Variants in GALNT2 observed in about 807,000 individuals in gnomAD.
The protein encoded by GALNT2 is UDP-GalNAc:polypeptide N-acetylgalactosaminyltransferase 2.
In GALNT2, 31 loss-of-function variants were observed where a neutral mutation model predicts 81.4. The observed-to-expected ratio is 0.38, with a 90% confidence interval of 0.29 to 0.51. The LOEUF (loss-of-function observed/expected upper bound fraction) is 0.51, where lower values mean the gene tolerates loss of function less well. Among genes scored for constraint, GALNT2 ranks in the 20% least tolerant of loss-of-function variants. GALNT2 has a pLI of 0.87. For missense variants in GALNT2, 629 were observed against 765.7 expected (o/e 0.82, Z 2.11); for synonymous variants, 303 against 287.4 (o/e 1.05, Z -0.55).
intron 3 of GALNT2, among the ~76,000 whole-genome samples, chr1:230,221,522 G>A (rs1296459768): frequency 6.6e-6 from 1 of 152,156 alleles, no homozygotes; most frequent in Non-Finnish European, 1.5e-5. Context: ...CAGCCTGCCT[G>A]CCTTCTTTTC....
At chr1:230,105,647 A>G (rs1187148188) in intron 1 of GALNT2, among the ~76,000 whole-genome samples, 1 of 152,152 alleles carries the variant, frequency 6.6e-6, no homozygotes, top group Non-Finnish European at 1.5e-5. Flanking sequence ...TGGGAGTTGC[A>G]TAAATGTCAG....
intron 1 of GALNT2, among the ~76,000 whole-genome samples, chr1:230,103,347 C>A (rs1173137023): frequency 6.6e-6 from 1 of 152,312 alleles, no homozygotes; most frequent in South Asian, 2.1e-4. Context: ...TATCCATGAG[C>A]AACCTTGCTA....
chr1:230,242,080 TC>T (rs1266613827), intron 6 of GALNT2, among the ~76,000 whole-genome samples: 2 of 152,170 alleles, frequency 1.3e-5, no homozygotes, highest in African/African-American at 2.4e-5. Flanking sequence ...GAACTCTCTA[TC>T]CTCTAACAAC....
chr1:230,176,300 A>G (rs1662977328), intron 1 of GALNT2, among the ~76,000 whole-genome samples: 2 of 152,222 alleles, frequency 1.3e-5, no homozygotes, highest in African/African-American at 2.4e-5. Context: ...TTTCTGGGAA[A>G]ACACTGATGG....
Position 230,097,167 on chromosome 1 carries a change from G to C in GALNT2, c.126+29761G>C, listed in dbSNP as rs555589334. Among the ~76,000 whole-genome samples, 255 of 152,294 alleles carry C rather than the reference G, an allele frequency of 1.7e-3. 1 individual carries two copies. Among genetic ancestry groups the C allele is most frequent in the African/African-American group, 5.3e-3 (220 of 41,544 alleles). On this transcript the variant is annotated intron_variant, in intron 1 of 15. Transcript: ENST00000366672. ...TCAATCCAGATTGTTAAAACACTGA[G>C]CGGTTTGCTCAGGAGATAGAATATT...
chr1:230,240,092 AT>A (rs1665154012), intron 6 of GALNT2, among the ~76,000 whole-genome samples: 1 of 152,234 alleles, frequency 6.6e-6, no homozygotes, highest in African/African-American at 2.4e-5. Context: ...TGTTAAGCTT[AT>A]CCTCATATTT....
At chr1:230,215,907 A>AT (rs1288320031) in intron 3 of GALNT2, among the ~76,000 whole-genome samples, 1 of 152,210 alleles carries the variant, frequency 6.6e-6, no homozygotes, top group African/African-American at 2.4e-5. Flanking sequence ...ATGAACTGTT[A>AT]TTTTGTTACA....
chr1:230,086,351 T>C (rs1353489862), intron 1 of GALNT2, among the ~76,000 whole-genome samples: 1 of 152,136 alleles, frequency 6.6e-6, no homozygotes, highest in African/African-American at 2.4e-5. Context: ...GAGCACCTCC[T>C]GGTCATTCTG....
At chr1:230,114,395 T>C (rs777229347) in intron 1 of GALNT2, among the ~76,000 whole-genome samples, 14 of 152,230 alleles carry the variant, frequency 9.2e-5, no homozygotes, top group Non-Finnish European at 1.8e-4. Flanking sequence ...ACTTGGGAAT[T>C]TCACTGGCGA....
At chr1:230,232,686 G>A (rs1295243590) in intron 3 of GALNT2, among the ~76,000 whole-genome samples, 4 of 152,154 alleles carry the variant, frequency 2.6e-5, no homozygotes, top group African/African-American at 9.7e-5. Context: ...ATTACAGATT[G>A]GGTTCTTGGG....
chr1:230,098,521 A>G (rs1296646373), intron 1 of GALNT2, among the ~76,000 whole-genome samples: 1 of 151,816 alleles, frequency 6.6e-6, no homozygotes, highest in Non-Finnish European at 1.5e-5. Context: ...AACATTTAAT[A>G]GAGACCTACA....
chr1:230,177,716 T>C (rs912004569), intron 1 of GALNT2, among the ~76,000 whole-genome samples: 2 of 152,302 alleles, frequency 1.3e-5, no homozygotes, highest in Non-Finnish European at 2.9e-5. Flanking sequence ...CCCCTGCTCC[T>C]GTGTTAGTCA....
chr1:230,181,713 T>A (rs1020423689), intron 2 of GALNT2, among the ~76,000 whole-genome samples: 2 of 152,140 alleles, frequency 1.3e-5, no homozygotes, highest in African/African-American at 4.8e-5. Flanking sequence ...CTTAAATGTC[T>A]TTGTCTGGTT....
chr1:230,184,957 A>G (rs546481001), intron 2 of GALNT2, among the ~76,000 whole-genome samples: 1 of 152,128 alleles, frequency 6.6e-6, no homozygotes, highest in South Asian at 2.1e-4. Context: ...GAGTTTTAGA[A>G]GTTTCTAATG....
intron 14 of GALNT2, among the ~76,000 whole-genome samples, chr1:230,270,625 C>T (rs1370861329): frequency 8.5e-5 from 13 of 152,162 alleles, no homozygotes; most frequent in African/African-American, 1.4e-4. Flanking sequence ...CTCTCTGAAC[C>T]GATAGAAAGT....
At chr1:230,176,771 T>A (rs977550145) in intron 1 of GALNT2, among the ~76,000 whole-genome samples, 1 of 152,200 alleles carries the variant, frequency 6.6e-6, no homozygotes, top group Non-Finnish European at 1.5e-5. Context: ...TTTCAAAACT[T>A]TTTTGCAGTA....
chr1:230,118,362 A>G (rs1234781781), intron 1 of GALNT2, among the ~76,000 whole-genome samples: 1 of 152,216 alleles, frequency 6.6e-6, no homozygotes, highest in Non-Finnish European at 1.5e-5. Flanking sequence ...CTTTGGATAA[A>G]TTCCAACGAG....
At chr1:230,189,023 G>A (rs927899274) in intron 2 of GALNT2, among the ~76,000 whole-genome samples, 2 of 152,076 alleles carry the variant, frequency 1.3e-5, no homozygotes, top group African/African-American at 4.8e-5. Flanking sequence ...GGCCGGAAGA[G>A]GAGCAGGGGC....
At chr1:230,228,919 T>C (rs367939562) in intron 3 of GALNT2, among the ~76,000 whole-genome samples, 2 of 152,242 alleles carry the variant, frequency 1.3e-5, no homozygotes, top group East Asian at 3.9e-4. Context: ...CCTTCACTTA[T>C]GTTTTGTAAT....
Sources: allele counts gnomAD v4.1 joint callset (sites outside exome capture counted in the v4.1 genomes callset), GRCh38; gene constraint gnomAD v4.1.1; transcripts MANE v1.5; gene names NCBI Gene and HGNC (gene_info 2026-07-23, HGNC 2026-07-21).